The following ATL2 variants were observed in gnomAD, a reference collection of about 807,000 sequenced individuals.
The protein encoded by ATL2 is atlastin-2.
In ATL2, 31 loss-of-function variants were observed where a neutral mutation model predicts 73.9. The observed-to-expected ratio is 0.42, with a 90% CI of 0.32 to 0.57. ATL2 has a LOEUF of 0.57. Ranked by LOEUF, ATL2 falls within the 20% of genes least tolerant of loss-of-function variation. The probability of loss-of-function intolerance (pLI) is 0.14; values close to 1 mark genes in which losing one functional copy is unlikely to be tolerated. For synonymous variants in ATL2, 291 were observed against 237.5 expected (o/e 1.23, Z -2.07); for missense variants, 738 against 702.6 (o/e 1.05, Z -0.57).
chr2:38,325,699 TACACAC>T (rs1221635411), intron 2 of ATL2, among the ~76,000 whole-genome samples: 411 of 11,220 alleles, frequency 0.037, 25 homozygotes, highest in Admixed American at 0.051. Flanking sequence ...CACACACCAG[TACACAC>T]ACACACACAC....
At chr2:38,332,497 T>C (rs903763056) in intron 2 of ATL2, among the ~76,000 whole-genome samples, 3 of 152,060 alleles carry the variant, frequency 2.0e-5, no homozygotes, top group Non-Finnish European at 4.4e-5. Flanking sequence ...CGAGCCACCA[T>C]GCCCCGCCAA....
intron 1 of ATL2, among the ~76,000 whole-genome samples, chr2:38,367,537 C>T (rs1366391484): frequency 8.5e-6 from 1 of 118,064 alleles, no homozygotes. Context: ...ACCCGGAAGG[C>T]GGAGCTTGCA....
intron 1 of ATL2, among the ~76,000 whole-genome samples, chr2:38,352,147 A>C (rs891575855): frequency 6.7e-6 from 1 of 148,996 alleles, no homozygotes; most frequent in African/African-American, 2.4e-5. Context: ...AAAAAAAAAA[A>C]AAAAAAAAAA....
chr2:38,295,452 G>C lies in ATL2; in HGVS notation c.*542C>G, dbSNP rs1263535757. On this transcript the variant is annotated 3_prime_UTR_variant, in exon 13 of 13. Transcript: ENST00000378954. ...TGTACACCTCAGAATTACTTTCTTAGCTACAAGAGTTGCCATGTAATTTCT... is the reference window on the plus strand; with the variant it reads ...TGTACACCTCAGAATTACTTTCTTACCTACAAGAGTTGCCATGTAATTTCT... 1 of 152,164 alleles carries C rather than the reference G, an allele frequency of 6.6e-6. No homozygotes were observed. The highest frequency in any genetic ancestry group is 1.5e-5 in the Non-Finnish European group (1 of 68,042). 9.4% of individuals were successfully genotyped at this position (152,164 alleles called of 1,614,324 possible).
intron 2 of ATL2, among the ~76,000 whole-genome samples, chr2:38,342,987 A>G (rs1669810153): frequency 6.6e-6 from 1 of 151,470 alleles, no homozygotes. Flanking sequence ...AAAAAAAAAA[A>G]AAGTTTTTTT....
At chr2:38,324,415 C>G (rs963039236) in intron 2 of ATL2, among the ~76,000 whole-genome samples, 1 of 152,210 alleles carries the variant, frequency 6.6e-6, no homozygotes, top group African/African-American at 2.4e-5. Context: ...TATGAACACT[C>G]AGCACCCAAA....
chr2:38,377,873 T>G (rs772711386), upstream of ATL2, among the ~76,000 whole-genome samples: 34 of 150,308 alleles, frequency 2.3e-4, no homozygotes, highest in Non-Finnish European at 3.8e-4. Flanking sequence ...CCCACCATCC[T>G]AAGGTTTGTT....
intron 1 of ATL2, among the ~76,000 whole-genome samples, chr2:38,344,415 G>C (rs1033277968): frequency 6.6e-6 from 1 of 152,186 alleles, no homozygotes; most frequent in African/African-American, 2.4e-5. Flanking sequence ...TTCAAGACCA[G>C]CCTGACCAAC....
chr2:38,326,210 A>AT (rs1367389378), intron 2 of ATL2, among the ~76,000 whole-genome samples: 2 of 152,272 alleles, frequency 1.3e-5, no homozygotes, highest in Non-Finnish European at 2.9e-5. Flanking sequence ...CAAGACACAG[A>AT]TTTTGAGTTC....
At chr2:38,337,174 CAAAAA>C (rs764929979) in intron 2 of ATL2, among the ~76,000 whole-genome samples, 1 of 151,500 alleles carries the variant, frequency 6.6e-6, no homozygotes, top group Non-Finnish European at 1.5e-5. Context: ...TTAAAAAAAA[CAAAAA>C]CAAAAACGAA....
chr2:38,343,149 TAAAAAAA>T lies in ATL2; in HGVS notation c.363+112_363+118del, dbSNP rs59215933. The T allele has an allele frequency of 3.7e-4, 134 of 364,550 alleles. 1 individual carries two copies. In the South Asian group the frequency reaches 4.7e-3, roughly 13 times the overall value. The allele number at this position is 364,550 out of a possible 1,614,324, so 22.6% of individuals were successfully genotyped here. On this transcript the variant is annotated intron_variant, in intron 2 of 12. Coordinates refer to ENST00000378954, the MANE Select transcript of ATL2 (RefSeq NM_001135673.4). ...GGTAACAGAGTGAGACCACTTAAAT[TAAAAAAA>T]AAAAAAAAAAAAAAAAAAAAAAGAT...
intron 1 of ATL2, among the ~76,000 whole-genome samples, chr2:38,349,488 A>T (rs1028628550): frequency 2.3e-5 from 3 of 129,338 alleles, no homozygotes; most frequent in African/African-American, 8.7e-5. Flanking sequence ...ACACACGGAC[A>T]CAGGAAGGGG....
At chr2:38,305,176 A>G (rs963518337) in intron 9 of ATL2, among the ~76,000 whole-genome samples, 6 of 152,224 alleles carry the variant, frequency 3.9e-5, no homozygotes, top group Admixed American at 3.3e-4. Context: ...TAACAATTGT[A>G]AATATATATG....
intron 1 of ATL2, among the ~76,000 whole-genome samples, chr2:38,371,283 G>C (rs1433824487): frequency 6.6e-6 from 1 of 151,536 alleles, no homozygotes; most frequent in East Asian, 1.9e-4. Context: ...GAGATGGAAG[G>C]ATCACTTGAG....
At chr2:38,377,987 C>T (rs181769381), upstream of ATL2, among the ~76,000 whole-genome samples, 1 of 152,180 alleles carries the variant, frequency 6.6e-6, no homozygotes, top group Non-Finnish European at 1.5e-5. Flanking sequence ...CCAGAAAGCA[C>T]TCTAATCGGA....
intron 2 of ATL2, among the ~76,000 whole-genome samples, chr2:38,343,041 G>A (rs988636956): frequency 3.3e-5 from 5 of 149,260 alleles, no homozygotes; most frequent in East Asian, 3.9e-4. Context: ...CTAGCTTCTC[G>A]GGAGGCTGAG....
intron 9 of ATL2, 42 bp from the exon 10 acceptor site, chr2:38,300,370 T>G: frequency 7.0e-7 from 1 of 1,432,034 alleles, no homozygotes; most frequent in Non-Finnish European, 9.8e-7. Flanking sequence ...GATTATGCAA[T>G]TTGGCTCCAC....
chr2:38,352,053 G>A (rs544899358), intron 1 of ATL2, among the ~76,000 whole-genome samples: 1 of 146,134 alleles, frequency 6.8e-6, no homozygotes, highest in African/African-American at 2.5e-5. Context: ...GGAGGCTGCA[G>A]TGAGCCAAGA....
At chr2:38,334,902 T>TATAATATATAAATATATTTATATA (rs370256885) in intron 2 of ATL2, among the ~76,000 whole-genome samples, 13 of 65,316 alleles carry the variant, frequency 2.0e-4, no homozygotes, top group Admixed American at 7.0e-4. Context: ...ATATATATTA[T>TATAATATATAAATATATTTATATA]TTATAATATA....
Sources: allele counts gnomAD v4.1 joint callset (sites outside exome capture counted in the v4.1 genomes callset), GRCh38; gene constraint gnomAD v4.1.1; transcripts MANE v1.5; gene names NCBI Gene and HGNC (gene_info 2026-07-23, HGNC 2026-07-21).